The following FAM180A variants were observed in gnomAD, a reference collection of about 807,000 sequenced individuals.
FAM180A encodes family with sequence similarity 180 member A.
FAM180A carries 14 observed loss-of-function variants against 15.3 expected under a neutral mutation model. The observed-to-expected ratio is 0.92, with a 90% confidence interval of 0.61 to 1.43. The LOEUF is 1.43. FAM180A is among the 40% of genes most tolerant of loss of function. FAM180A has a pLI of 0.00. For synonymous variants in FAM180A, 90 were observed against 96.8 expected, an observed-to-expected ratio of 0.93 and a Z score of 0.41; for missense variants, 200 against 220.8, an observed-to-expected ratio of 0.91 and a Z score of 0.60.
In FAM180A at chr7:135,734,259, G is replaced by A. The variant is rs772314049; in HGVS notation, c.238C>T (p.Leu80=). Residue 80 remains leucine, a synonymous_variant, in exon 3 of 4, where the codon CTG becomes TTG. Coordinates refer to ENST00000338588, the MANE Select transcript of FAM180A (RefSeq NM_205855.4). Reference sequence around the variant, plus strand: ...TCTGAGGCCTTCCGCAAGGAGGCCAGCTCCTCGTCCTTGATGGAGATCTGC... The same window carrying A: ...TCTGAGGCCTTCCGCAAGGAGGCCAACTCCTCGTCCTTGATGGAGATCTGC... ...DLQISIKDEE[L]ASLRKASDFR... is the part of the protein sequence containing the mutation. The A allele has an allele frequency of 6.2e-7, 1 of 1,613,988 alleles. No individual in the cohort carries two copies. The highest frequency in any genetic ancestry group is 8.5e-7 in the Non-Finnish European group (1 of 1,179,868).
At position 135,748,633 on chromosome 7, in the gene FAM180A, A is replaced by G; in HGVS notation, c.-53T>C. 2.2e-6 allele frequency: 3 copies of G among 1,373,376 alleles called. No individual in the cohort carries two copies. The highest frequency in any genetic ancestry group is 3.1e-6 in the Non-Finnish European group (3 of 960,648). 85.1% of individuals were successfully genotyped at this position (1,373,376 alleles called of 1,614,324 possible). ...CCCTCAAGCCCAGTGGAACCCCAGT[A>G]GCTGCAGGTATGCCCGTGCCGTTCT... On this transcript the variant is annotated 5_prime_UTR_variant, in exon 1 of 4. Transcript: ENST00000338588.
intron 1 of FAM180A, among the ~76,000 whole-genome samples, chr7:135,744,372 A>G (rs1398057579): frequency 6.6e-6 from 1 of 152,226 alleles, no homozygotes; most frequent in African/African-American, 2.4e-5. Context: ...TGTATTTTTA[A>G]TGAATCAGTT....
At chr7:135,748,392 G>C in intron 1 of FAM180A, 113 bp downstream of exon 1, 3 of 790,188 alleles carry the variant, frequency 3.8e-6, no homozygotes, top group Admixed American at 2.0e-5. Context: ...AATTGACAGA[G>C]ATTAGACAAA....
chr7:135,746,798 T>G (rs1797037994), intron 1 of FAM180A, among the ~76,000 whole-genome samples: 2 of 136,286 alleles, frequency 1.5e-5, no homozygotes, highest in Non-Finnish European at 3.3e-5. Flanking sequence ...TAATTGTACA[T>G]TTAAAAAGAA....
intron 3 of FAM180A, among the ~76,000 whole-genome samples, chr7:135,731,321 C>G (rs1796777284): frequency 6.6e-6 from 1 of 152,102 alleles, no homozygotes; most frequent in Non-Finnish European, 1.5e-5. Context: ...CCATGTTTAT[C>G]TGCCTCTGGC....
chr7:135,737,749 A>G (rs62489532), intron 1 of FAM180A, among the ~76,000 whole-genome samples: 23,122 of 152,030 alleles, frequency 0.15, 3,302 homozygotes, highest in African/African-American at 0.38. Context: ...CATCAGAACC[A>G]TCTGAGAAAA....
chr7:135,737,261 T>A (rs1273715865), intron 1 of FAM180A, 62 bp from the exon 2 acceptor site: 1 of 1,319,662 alleles, frequency 7.6e-7, no homozygotes, highest in Non-Finnish European at 1.0e-6. Flanking sequence ...CTCCCTCTGA[T>A]CCACCTTGAA....
chr7:135,732,735 AC>A (rs1796803967), intron 3 of FAM180A, among the ~76,000 whole-genome samples: 4 of 122,940 alleles, frequency 3.3e-5, no homozygotes, highest in South Asian at 2.6e-4. Context: ...ACACACACAC[AC>A]ACACAAGAAT....
intron 1 of FAM180A, among the ~76,000 whole-genome samples, chr7:135,748,055 A>T (rs775485490): frequency 9.9e-5 from 15 of 152,140 alleles, no homozygotes; most frequent in Non-Finnish European, 2.1e-4. Flanking sequence ...CCTCCCGGTG[A>T]GGAGGCAACG....
In FAM180A at chr7:135,737,083, G is replaced by A. The variant is rs1257716653; in HGVS notation, c.177+16C>T. 5 of 1,588,996 alleles carry A rather than the reference G, an allele frequency of 3.1e-6. No homozygotes were observed. In the African/African-American group the frequency reaches 4.0e-5, roughly 13 times the overall value. On this transcript the variant is annotated intron_variant, in intron 2 of 3. Transcript: ENST00000338588. ...CTTTTGGGTGACTTGGATTGAGCAT[G>A]TTCCCCTCTGCCTACCTCGTAGAGC...
At chr7:135,731,667 G>A (rs978150211) in intron 3 of FAM180A, among the ~76,000 whole-genome samples, 1 of 152,208 alleles carries the variant, frequency 6.6e-6, no homozygotes, top group Non-Finnish European at 1.5e-5. Context: ...AGAGCAGAAT[G>A]GTCAGGGAAT....
Position 135,739,960 on chromosome 7 carries a change from G to A in FAM180A, c.77-2761C>T, listed in dbSNP as rs989328447. Among the ~76,000 whole-genome samples, 10 of 152,324 alleles carry A rather than the reference G, an allele frequency of 6.6e-5. 1 individual carries two copies. The Middle Eastern group carries it at 0.01, about 155-fold the overall frequency. On this transcript the variant is annotated intron_variant, in intron 1 of 3. Coordinates refer to ENST00000338588, the MANE Select transcript of FAM180A (RefSeq NM_205855.4). Reference sequence around the variant, plus strand: ...AAATCCCTGCACTAATGGTCGCCTCGGCCAGCAGAGTGACGAGCTCTGTTT... The same window carrying A: ...AAATCCCTGCACTAATGGTCGCCTCAGCCAGCAGAGTGACGAGCTCTGTTT...
intron 3 of FAM180A, among the ~76,000 whole-genome samples, chr7:135,731,035 G>A (rs1796773021): frequency 6.6e-6 from 1 of 151,892 alleles, no homozygotes; most frequent in Non-Finnish European, 1.5e-5. Flanking sequence ...GTTGCTGGGT[G>A]AATGTTCCTG....
chr7:135,738,340 T>C (rs28684664), intron 1 of FAM180A, among the ~76,000 whole-genome samples: 23,152 of 152,138 alleles, frequency 0.15, 3,305 homozygotes, highest in African/African-American at 0.38. Context: ...ATTACAGATG[T>C]GTGCCACCAC....
At chr7:135,744,064 G>A (rs989810032) in intron 1 of FAM180A, among the ~76,000 whole-genome samples, 4 of 152,110 alleles carry the variant, frequency 2.6e-5, no homozygotes, top group Non-Finnish European at 4.4e-5. Flanking sequence ...TGATCTCAGC[G>A]AGTGCTGTCC....
At chr7:135,730,845 A>G (rs1563177477) in intron 3 of FAM180A, among the ~76,000 whole-genome samples, 1 of 152,206 alleles carries the variant, frequency 6.6e-6, no homozygotes, top group Non-Finnish European at 1.5e-5. Flanking sequence ...AATCATTGTC[A>G]TAAAACTCTC....
chr7:135,733,632 C>T lies in FAM180A; in HGVS notation c.*329+14G>A. 9.6e-7 allele frequency: 1 copy of T among 1,044,090 alleles called. No individual in the cohort carries two copies. The highest frequency in any genetic ancestry group is 1.2e-6 in the Non-Finnish European group (1 of 868,736). The allele number at this position is 1,044,090 out of a possible 1,614,324, so 64.7% of individuals were successfully genotyped here. A position where few individuals can be genotyped will look rare whatever the true frequency, so the allele number is the denominator to read the frequency against. On this transcript the variant is annotated intron_variant, in intron 3 of 3. Coordinates refer to ENST00000338588, the MANE Select transcript of FAM180A (RefSeq NM_205855.4). ...AAAGTGCTGGGATTACAGGCGTGAGCCTCTGTGCCCGGCCTGTTCTCACTC... is the reference window on the plus strand; with the variant it reads ...AAAGTGCTGGGATTACAGGCGTGAGTCTCTGTGCCCGGCCTGTTCTCACTC...
At position 135,733,966 on chromosome 7, in the gene FAM180A, G is replaced by A. The variant is rs760140896; in HGVS notation, c.*9C>T. 7 of 1,581,760 alleles carry A rather than the reference G, an allele frequency of 4.4e-6. No homozygotes were observed. The African/African-American group carries it at 9.4e-5, about 21-fold the overall frequency. On this transcript the variant is annotated 3_prime_UTR_variant, in exon 3 of 4. Transcript: ENST00000338588. Reference sequence around the variant, plus strand: ...TCCCTGCTCTGAGGTCCTGGTGTGGGCCAGTCTCTCAGGGAGGTACTCCCG... The same window carrying A: ...TCCCTGCTCTGAGGTCCTGGTGTGGACCAGTCTCTCAGGGAGGTACTCCCG...
intron 2 of FAM180A, among the ~76,000 whole-genome samples, chr7:135,735,402 G>A (rs531831857): frequency 5.3e-5 from 8 of 152,186 alleles, no homozygotes; most frequent in African/African-American, 1.9e-4. Flanking sequence ...ATTTGTCCTC[G>A]TCTCTGACCT....
Sources: allele counts gnomAD v4.1 joint callset (sites outside exome capture counted in the v4.1 genomes callset), GRCh38; gene constraint gnomAD v4.1.1; transcripts MANE v1.5; gene names NCBI Gene and HGNC (gene_info 2026-07-23, HGNC 2026-07-21).